Variants in LRP1B observed in about 807,000 individuals in gnomAD.
LRP1B encodes LDL receptor related protein 1B.
In LRP1B, 217 loss-of-function variants were observed where a neutral mutation model predicts 556.6. The ratio of observed to expected loss-of-function variants is 0.39; its 90% CI spans 0.35 to 0.44. The LOEUF (loss-of-function observed/expected upper bound fraction) is 0.44. Ranked by LOEUF, LRP1B falls within the 20% of genes least tolerant of loss-of-function variation. LRP1B has a pLI of 1.00. For synonymous variants in LRP1B, 2,047 were observed against 1,865.8 expected, an observed-to-expected ratio of 1.10 and a Z score of -2.50; for missense variants, 5,053 against 5,620.8, an observed-to-expected ratio of 0.90 and a Z score of 3.23.
chr2:140,770,737 A>G (rs1330609862), intron 34 of LRP1B, 144 bp downstream of exon 34: 2 of 498,064 alleles, frequency 4.0e-6, no homozygotes, highest in African/African-American at 4.0e-5. Context: ...TCTTACACAT[A>G]TGAGACTAAA....
rs766796049 is a variant in LRP1B at position 140,325,813 on chromosome 2, T to A, written c.12289A>T (p.Ser4097Cys). Residue 4097 changes from serine (S) to cysteine (C), a missense_variant, in exon 80 of 91, where the codon AGT (serine) becomes TGT (cysteine). By Grantham distance (112) the Ser-to-Cys change is moderately radical. This residue lies in a region of LRP1B where 551 missense variants were observed against 592.0 expected (regional missense o/e 0.93). Coordinates refer to ENST00000389484, the MANE Select transcript of LRP1B (RefSeq NM_018557.3). ...WADFELSIIG[S>C]VLYDGSNSVV... ...GAATTAGAGCCATCATACAGAACAC[T>A]GCCAATGATGGAGAGCTCAAAGTCA... 9.3e-6 allele frequency: 15 copies of A among 1,613,096 alleles called. No individual in the cohort carries two copies. The Admixed American group carries it at 1.8e-4, about 20-fold the overall frequency.
intron 3 of LRP1B, among the ~76,000 whole-genome samples, chr2:141,344,424 C>A (rs1188783288): frequency 1.3e-5 from 2 of 152,032 alleles, no homozygotes; most frequent in African/African-American, 4.8e-5. Context: ...GGCATGCTCT[C>A]CTCTCTTGGC....
At chr2:141,993,569 A>G (rs1029755441) in intron 1 of LRP1B, among the ~76,000 whole-genome samples, 3 of 152,096 alleles carry the variant, frequency 2.0e-5, no homozygotes, top group African/African-American at 7.2e-5. Flanking sequence ...GCTGATAGCC[A>G]ATAGACAGGA....
chr2:140,899,768 A>C (rs1257549895), intron 23 of LRP1B, among the ~76,000 whole-genome samples: 3 of 152,166 alleles, frequency 2.0e-5, no homozygotes, highest in African/African-American at 7.2e-5. Flanking sequence ...ATTCTTTACT[A>C]TTTCAGGCAA....
At chr2:142,013,076 A>C (rs980982265) in intron 1 of LRP1B, among the ~76,000 whole-genome samples, 6 of 152,226 alleles carry the variant, frequency 3.9e-5, no homozygotes, top group African/African-American at 4.8e-5. Flanking sequence ...GTTACCTTCT[A>C]TGTGTCAATC....
At position 140,843,475 on chromosome 2, in the gene LRP1B, T is replaced by C. The variant is rs1468818236; in HGVS notation, c.4940-2383A>G. ...GATGTCTAAATTTCTTAGCCTGCTT[T>C]TCCATATAGCGTGACTATAGCTACA... On this transcript the variant is annotated intron_variant, in intron 29 of 90. Coordinates refer to ENST00000389484, the MANE Select transcript of LRP1B (RefSeq NM_018557.3). Among the ~76,000 whole-genome samples, 3 of 152,174 alleles carry C rather than the reference T, an allele frequency of 2.0e-5. No homozygotes were observed. The East Asian group carries it at 5.8e-4, about 29-fold the overall frequency.
chr2:141,074,269 C>T (rs1699722493), intron 7 of LRP1B, among the ~76,000 whole-genome samples: 1 of 152,056 alleles, frequency 6.6e-6, no homozygotes, highest in Non-Finnish European at 1.5e-5. Flanking sequence ...TTAATGTCTG[C>T]TATGCTTTTC....
At chr2:141,350,777 C>A (rs972935341) in intron 3 of LRP1B, among the ~76,000 whole-genome samples, 2 of 151,922 alleles carry the variant, frequency 1.3e-5, no homozygotes, top group Non-Finnish European at 2.9e-5. Flanking sequence ...TTTGCACTTG[C>A]CTGATCAAGT....
At chr2:140,364,907 T>A in intron 71 of LRP1B, 124 bp from the exon 72 acceptor site, 1 of 705,602 alleles carries the variant, frequency 1.4e-6, no homozygotes, top group Non-Finnish European at 2.3e-6. Flanking sequence ...TGTATTATAT[T>A]TATTTCAAGC....
chr2:141,157,055 G>GA (rs1702084897), intron 7 of LRP1B, among the ~76,000 whole-genome samples: 1 of 152,002 alleles, frequency 6.6e-6, no homozygotes, highest in East Asian at 1.9e-4. Flanking sequence ...TCATTGGATA[G>GA]GTTATTGTAT....
intron 6 of LRP1B, among the ~76,000 whole-genome samples, chr2:141,223,090 T>C (rs1683108076): frequency 6.6e-6 from 1 of 152,084 alleles, no homozygotes; most frequent in Admixed American, 6.6e-5. Context: ...AGAGAGGAAG[T>C]TGAGTTGTCT....
intron 37 of LRP1B, among the ~76,000 whole-genome samples, chr2:140,706,020 AC>A (rs1179343073): frequency 6.6e-6 from 1 of 152,144 alleles, no homozygotes; most frequent in Non-Finnish European, 1.5e-5. Flanking sequence ...TAGAGAAAGA[AC>A]CCTCTCCAAG....
intron 21 of LRP1B, among the ~76,000 whole-genome samples, chr2:140,919,971 T>C (rs1559194744): frequency 6.6e-6 from 1 of 152,126 alleles, no homozygotes. Context: ...TCATTGAATA[T>C]ATTTGTGCAT....
intron 2 of LRP1B, among the ~76,000 whole-genome samples, chr2:141,656,829 A>C (rs1053985647): frequency 1.3e-5 from 2 of 152,086 alleles, no homozygotes; most frequent in African/African-American, 4.8e-5. Context: ...GTCTGGCCCT[A>C]TGTTGCATAA....
intron 41 of LRP1B, among the ~76,000 whole-genome samples, chr2:140,651,364 A>C: frequency 3.0e-5 from 1 of 33,424 alleles, no homozygotes; most frequent in East Asian, 1.1e-3. Flanking sequence ...GGGTGGGGGG[A>C]GGGGGGAGGG....
At chr2:141,561,665 T>C (rs187471622) in intron 2 of LRP1B, among the ~76,000 whole-genome samples, 34 of 151,932 alleles carry the variant, frequency 2.2e-4, no homozygotes, top group African/African-American at 7.0e-4. Flanking sequence ...AAATCAGAGA[T>C]TGTCAATTTT....
chr2:141,981,194 T>C (rs906537270), intron 1 of LRP1B, among the ~76,000 whole-genome samples: 1 of 152,048 alleles, frequency 6.6e-6, no homozygotes, highest in Non-Finnish European at 1.5e-5. Flanking sequence ...CTATGTATCA[T>C]AGGACTGACA....
chr2:141,012,689 GC>G (rs1187751846), intron 14 of LRP1B, among the ~76,000 whole-genome samples: 1 of 151,866 alleles, frequency 6.6e-6, no homozygotes, highest in African/African-American at 2.4e-5. Context: ...AAAAACTGAA[GC>G]TTTTGAATGA....
At chr2:140,968,644 C>T (rs1447896143) in intron 18 of LRP1B, among the ~76,000 whole-genome samples, 1 of 152,054 alleles carries the variant, frequency 6.6e-6, no homozygotes, top group African/African-American at 2.4e-5. Context: ...TTGGATCTTT[C>T]CTGATTTCTC....
Sources: allele counts gnomAD v4.1 joint callset (sites outside exome capture counted in the v4.1 genomes callset), GRCh38; gene constraint gnomAD v4.1.1; regional missense constraint gnomAD v4.1.1; transcripts MANE v1.5; gene names NCBI Gene and HGNC (gene_info 2026-07-23, HGNC 2026-07-21).